The following RNPC3 variants were observed in gnomAD, a reference collection of about 807,000 sequenced individuals.
RNPC3 encodes RNA-binding region-containing protein 3.
A neutral mutation model predicts 67.5 loss-of-function variants in RNPC3; 48 were observed. The observed-to-expected ratio is 0.71, with a 90% CI of 0.56 to 0.90. RNPC3 has a LOEUF of 0.90. Among genes scored for constraint, RNPC3 ranks in the 40% least tolerant of loss-of-function variants. The pLI, the probability that RNPC3 is intolerant of heterozygous loss-of-function variation, is 0.00. For missense variants in RNPC3, 637 were observed against 626.1 expected (o/e 1.02, Z -0.19); for synonymous variants, 239 against 210.3 (o/e 1.14, Z -1.18).
intron 7 of RNPC3, among the ~76,000 whole-genome samples, chr1:103,540,099 T>C (rs1651088758): frequency 1.3e-5 from 2 of 152,212 alleles, no homozygotes; most frequent in African/African-American, 4.8e-5. Flanking sequence ...AATCCTGGGC[T>C]CAAGTGACCC....
At chr1:103,539,983 C>T (rs895166241) in intron 7 of RNPC3, among the ~76,000 whole-genome samples, 8 of 152,176 alleles carry the variant, frequency 5.3e-5, no homozygotes, top group Admixed American at 3.3e-4. Flanking sequence ...CCGCATCAGT[C>T]CCAGTAGCTG....
At chr1:103,547,376 G>A (rs1219969260) in intron 12 of RNPC3, among the ~76,000 whole-genome samples, 3 of 152,104 alleles carry the variant, frequency 2.0e-5, no homozygotes, top group Admixed American at 6.6e-5. Flanking sequence ...GAAACAGGTC[G>A]GTGATGGATT....
chr1:103,552,447 A>AG (rs386367887), intron 14 of RNPC3: 1 of 151,582 alleles, frequency 6.6e-6, no homozygotes, highest in Non-Finnish European at 1.5e-5. Flanking sequence ...AAAAGTTAAA[A>AG]AAAAAAGTCA....
In RNPC3 at chr1:103,544,285, A is replaced by G. The variant is rs1257968939; in HGVS notation, c.1046-656A>G. The stretch of plus-strand genomic sequence containing the variant: ...AATGTTTTGACGGTATTTATCATTC[A>G]CTCATTAATGACTTGTTGAAAGTTT... On this transcript the variant is annotated intron_variant, in intron 9 of 14. Transcript: ENST00000423855. Among the ~76,000 whole-genome samples the G allele has an allele frequency of 4.0e-5, 6 of 151,828 alleles. No individual in the cohort carries two copies. The East Asian group carries it at 1.2e-3, about 29-fold the overall frequency.
At chr1:103,542,709 T>G (rs905712242) in intron 8 of RNPC3, among the ~76,000 whole-genome samples, 2 of 151,848 alleles carry the variant, frequency 1.3e-5, no homozygotes, top group African/African-American at 4.8e-5. Context: ...TCCCTTTGAA[T>G]CTTTATAGTG....
chr1:103,525,899 C>T lies in RNPC3; in HGVS notation c.-172C>T, dbSNP rs1348154758. On this transcript the variant is annotated 5_prime_UTR_variant, in exon 1 of 15. Coordinates refer to ENST00000423855, the MANE Select transcript of RNPC3 (RefSeq NM_017619.4). ...TCCCCGAAGAGTCTTCGAAGGGTTG[C>T]CGCTTTTCGGTGGCGCAGTTCTCGC... 7 of 602,998 alleles carry T rather than the reference C, an allele frequency of 1.2e-5. No homozygotes were observed. Among genetic ancestry groups the T allele is most frequent in the East Asian group, 8.6e-5 (3 of 34,938 alleles). The allele number at this position is 602,998 out of a possible 1,614,324, so 37.4% of individuals were successfully genotyped here.
intron 7 of RNPC3, among the ~76,000 whole-genome samples, chr1:103,538,383 T>G (rs1460392940): frequency 6.6e-6 from 1 of 152,172 alleles, no homozygotes; most frequent in East Asian, 1.9e-4. Context: ...TTGAGCATGG[T>G]GTTGAAGTGC....
At chr1:103,543,209 T>C in intron 8 of RNPC3, 87 bp from the exon 9 acceptor site, 1 of 1,031,760 alleles carries the variant, frequency 9.7e-7, no homozygotes, top group Non-Finnish European at 1.3e-6. Flanking sequence ...AGTGTTAACT[T>C]TTAAAATTTA....
chr1:103,547,879 A>G (rs577930746), intron 12 of RNPC3, among the ~76,000 whole-genome samples: 1 of 152,340 alleles, frequency 6.6e-6, no homozygotes, highest in African/African-American at 2.4e-5. Context: ...AGGCATTTCC[A>G]TATATCCTCT....
chr1:103,526,951 A>C (rs1461625680), intron 1 of RNPC3, among the ~76,000 whole-genome samples: 1 of 152,182 alleles, frequency 6.6e-6, no homozygotes, highest in Non-Finnish European at 1.5e-5. Context: ...GTGCAGCCCA[A>C]GTTGAGAGTT....
intron 2 of RNPC3, 26 bp from the exon 3 acceptor site, chr1:103,533,713 G>A: frequency 2.5e-6 from 3 of 1,193,438 alleles, no homozygotes; most frequent in Non-Finnish European, 3.6e-6. Context: ...ATTGTGAAAT[G>A]TTTACTCTTG....
chr1:103,552,512 A>G (rs2101054825), intron 14 of RNPC3: 1 of 152,294 alleles, frequency 6.6e-6, no homozygotes, highest in African/African-American at 2.4e-5. Context: ...CTGTAATCTC[A>G]GCAATTTGGG....
chr1:103,529,340 T>G lies in RNPC3; in HGVS notation c.240+1598T>G, dbSNP rs149546036. ...TATGGTAATGAAAAACGCATTGTTT[T>G]AGGGTCAAGAATAACTTGGAGGAGA... On this transcript the variant is annotated intron_variant, in intron 2 of 14. Transcript: ENST00000423855. Among the ~76,000 whole-genome samples the G allele has an allele frequency of 1.1e-3, 164 of 152,298 alleles. 5 individuals carry two copies. In the East Asian group the frequency reaches 0.029, roughly 27 times the overall value.
intron 14 of RNPC3, chr1:103,552,067 C>T (rs1444342797): frequency 1.7e-5 from 4 of 229,936 alleles, no homozygotes; most frequent in Non-Finnish European, 3.3e-5. Flanking sequence ...AGCAATGGTT[C>T]TTAAACCCTA....
intron 2 of RNPC3, among the ~76,000 whole-genome samples, chr1:103,530,648 G>A (rs940705282): frequency 3.3e-5 from 5 of 152,156 alleles, no homozygotes; most frequent in Admixed American, 2.6e-4. Flanking sequence ...ATTGGAGCAA[G>A]GGGGTGACCT....
intron 8 of RNPC3, among the ~76,000 whole-genome samples, chr1:103,542,003 A>G (rs1396301143): frequency 1.3e-5 from 2 of 152,022 alleles, no homozygotes; most frequent in Non-Finnish European, 2.9e-5. Flanking sequence ...AGTGCCTTTA[A>G]GTATTTATTG....
At position 103,526,276 on chromosome 1, in the gene RNPC3, C is replaced by T. The variant is rs943769821; in HGVS notation, c.192+14C>T. 6 of 1,514,734 alleles carry T rather than the reference C, an allele frequency of 4.0e-6. No homozygotes were observed. The South Asian group carries it at 6.2e-5, about 16-fold the overall frequency. The allele number at this position is 1,514,734 out of a possible 1,614,324, so 93.8% of individuals were successfully genotyped here. On this transcript the variant is annotated intron_variant, in intron 1 of 14. Coordinates refer to ENST00000423855, the MANE Select transcript of RNPC3 (RefSeq NM_017619.4). ...AAGGGGCGACTGGTAAGGGCGCGCC[C>T]CTCCGGAGTCTCCCGGGAAGGCATT...
intron 12 of RNPC3, among the ~76,000 whole-genome samples, chr1:103,548,132 A>C (rs1003116450): frequency 1.9e-4 from 29 of 152,096 alleles, no homozygotes; most frequent in African/African-American, 6.5e-4. Flanking sequence ...CCTAGTCCTC[A>C]GGTGATGGGA....
intron 12 of RNPC3, 81 bp from the exon 13 acceptor site, chr1:103,550,860 G>C: frequency 7.1e-7 from 1 of 1,401,736 alleles, no homozygotes; most frequent in South Asian, 1.2e-5. Flanking sequence ...ATTTGAAATA[G>C]CAAAATGTTA....
Sources: allele counts gnomAD v4.1 joint callset (sites outside exome capture counted in the v4.1 genomes callset), GRCh38; gene constraint gnomAD v4.1.1; transcripts MANE v1.5; gene names NCBI Gene and HGNC (gene_info 2026-07-23, HGNC 2026-07-21).